Variants in CHRNB2 observed in about 807,000 individuals in gnomAD.
The protein encoded by CHRNB2 is cholinergic receptor nicotinic beta 2 subunit.
Under a neutral mutation model 42.7 loss-of-function variants are expected in CHRNB2, and 33 were observed. The observed-to-expected ratio is 0.77, with a 90% confidence interval of 0.59 to 1.03. The LOEUF (loss-of-function observed/expected upper bound fraction) is 1.03, where lower values mean the gene tolerates loss of function less well. Ranked by LOEUF, CHRNB2 falls within the 50% of genes least tolerant of loss-of-function variation. The pLI is 0.00. For missense variants in CHRNB2, 603 were observed against 700.9 expected (o/e 0.86, Z 1.58); for synonymous variants, 325 against 292.9 (o/e 1.11, Z -1.12).
rs1342568924 is a variant in CHRNB2 at position 154,577,583 on chromosome 1, C to G, written c.*1651C>G. The G allele has an allele frequency of 1.3e-5, 2 of 150,952 alleles. No homozygotes were observed. Among genetic ancestry groups the G allele is most frequent in the Non-Finnish European group, 3.0e-5 (2 of 67,658 alleles). 9.4% of individuals were successfully genotyped at this position (150,952 alleles called of 1,614,324 possible). ...CTTGTGAAAAAGTCTAGCGCTGTAC[C>G]TGGCACAGAGTAGATGCTTCATGAA... On this transcript the variant is annotated 3_prime_UTR_variant, in exon 6 of 6. Coordinates refer to ENST00000368476, the MANE Select transcript of CHRNB2 (RefSeq NM_000748.3).
At chr1:154,575,193 A>G (rs994242583) in intron 5 of CHRNB2, among the ~76,000 whole-genome samples, 42 of 152,336 alleles carry the variant, frequency 2.8e-4, no homozygotes, top group African/African-American at 9.9e-4. Context: ...GACAAAGATG[A>G]ATCAGGGTCC....
At chr1:154,568,728 A>C (rs1254515367) in intron 1 of CHRNB2, among the ~76,000 whole-genome samples, 1 of 151,908 alleles carries the variant, frequency 6.6e-6, no homozygotes, top group Non-Finnish European at 1.5e-5. Context: ...AGGGGGATGC[A>C]GTGTGCCGGG....
intron 5 of CHRNB2, among the ~76,000 whole-genome samples, 185 bp from the exon 6 acceptor site, chr1:154,575,577 G>C (rs1696255643): frequency 6.6e-6 from 1 of 152,086 alleles, no homozygotes; most frequent in Non-Finnish European, 1.5e-5. Context: ...AGTTTGGATG[G>C]GCCCTGAAGG....
At position 154,575,911 on chromosome 1, in the gene CHRNB2, C is replaced by G; in HGVS notation, c.1488C>G (p.His496Gln). ...CCACCACCTTCCTCCACTCAGACCACTCAGCCCCCAGCTCCAAGTGAGGCC... is the reference window on the plus strand; with the variant it reads ...CCACCACCTTCCTCCACTCAGACCAGTCAGCCCCCAGCTCCAAGTGAGGCC... ...YTTTTFLHSD[H>Q]SAPSSK The change falls in exon 6 of 6, where the codon CAC becomes CAG. Residue 496 changes from histidine to glutamine, a missense_variant. His to Gln is a conservative substitution (Grantham distance 24). This residue lies in a region of CHRNB2 where 270 missense variants were observed against 248.3 expected (regional missense o/e 1.09). Transcript: ENST00000368476. 6.2e-7 allele frequency: 1 copy of G among 1,614,240 alleles called. No homozygotes were observed.
chr1:154,578,183 A>C lies in CHRNB2; in HGVS notation c.*2251A>C, dbSNP rs958949292. On this transcript the variant is annotated 3_prime_UTR_variant, in exon 6 of 6. Transcript: ENST00000368476. ...CAACAGGAAAGGAGCCTCCCTCTGA[A>C]GGGTAGGATGCCGGCCTGAGGCCCT... is the stretch of plus-strand genomic sequence containing the variant. The C allele has an allele frequency of 1.3e-5, 2 of 152,292 alleles. No individual in the cohort carries two copies. Among genetic ancestry groups the C allele is most frequent in the Admixed American group, 1.3e-4 (2 of 15,278 alleles). 9.4% of individuals were successfully genotyped at this position (152,292 alleles called of 1,614,324 possible). A position where few individuals can be genotyped will look rare whatever the true frequency, so the allele number is the denominator to read the frequency against.
Position 154,575,738 on chromosome 1 carries a change from G to A in CHRNB2, c.1339-24G>A, listed in dbSNP as rs201578298. On this transcript the variant is annotated intron_variant, in intron 5 of 5. Coordinates refer to ENST00000368476, the MANE Select transcript of CHRNB2 (RefSeq NM_000748.3). ...TCCCATCCTGCATCATGTGACCTGG[G>A]CCTCCTCCGTCTCCTCCATCCAGGT... 5.7e-5 allele frequency: 92 copies of A among 1,613,834 alleles called. No homozygotes were observed. In the South Asian group the frequency reaches 8.9e-4, roughly 16 times the overall value.
Position 154,579,508 on chromosome 1 carries a change from G to A in CHRNB2, c.*3576G>A, listed in dbSNP as rs1467439571. ...CTTCTCTGAATCACTCCCCAAGCCA[G>A]AGTAGACCTGGTTCCAGTTGTCCCC... On this transcript the variant is annotated 3_prime_UTR_variant, in exon 6 of 6. Transcript: ENST00000368476. 1.3e-5 allele frequency: 2 copies of A among 152,366 alleles called. No homozygotes were observed. The highest frequency in any genetic ancestry group is 4.8e-5 in the African/African-American group (2 of 41,446). 9.4% of individuals were successfully genotyped at this position (152,366 alleles called of 1,614,324 possible).
intron 1 of CHRNB2, 54 bp downstream of exon 1, chr1:154,568,162 G>C: frequency 6.4e-7 from 1 of 1,550,846 alleles, no homozygotes; most frequent in Non-Finnish European, 8.7e-7. Flanking sequence ...AACGGCCCAA[G>C]ACTCGCCGCC....
chr1:154,578,080 AT>A lies in CHRNB2; in HGVS notation c.*2150del, dbSNP rs1050230876. 6.6e-5 allele frequency: 10 copies of A among 152,330 alleles called. No individual in the cohort carries two copies. Among genetic ancestry groups the A allele is most frequent in the African/African-American group, 2.4e-4 (10 of 41,548 alleles). 9.4% of individuals were successfully genotyped at this position (152,330 alleles called of 1,614,324 possible). A position where few individuals can be genotyped will look rare whatever the true frequency, so the allele number is the denominator to read the frequency against. ...GGAAACTTTCCCTCTTCTAGAGCGG[AT>A]TGGGAGTTGCCTGTATTATGCCTGA... On this transcript the variant is annotated 3_prime_UTR_variant, in exon 6 of 6. Coordinates refer to ENST00000368476, the MANE Select transcript of CHRNB2 (RefSeq NM_000748.3).
At chr1:154,572,354 G>A (rs1696192543) in intron 5 of CHRNB2, among the ~76,000 whole-genome samples, 193 bp downstream of exon 5, 1 of 152,156 alleles carries the variant, frequency 6.6e-6, no homozygotes, top group East Asian at 1.9e-4. Flanking sequence ...GAGATTGTGC[G>A]GCCTAAATTG....
chr1:154,569,681 T>C (rs1025331994), intron 2 of CHRNB2, 74 bp downstream of exon 2: 1 of 1,612,762 alleles, frequency 6.2e-7, no homozygotes, highest in Non-Finnish European at 8.5e-7. Flanking sequence ...GCTTGTGTGC[T>C]TCCTCCCCTG....
In CHRNB2 at chr1:154,570,452, T is replaced by C. The variant is rs982142385; in HGVS notation, c.365+85T>C. ...TGGGGAAAATAAGAGAAATTACTTA[T>C]GCTGTGGGAGGGGAGGGACTTATAA... On this transcript the variant is annotated intron_variant, in intron 4 of 5. Transcript: ENST00000368476. 6.0e-6 allele frequency: 5 copies of C among 826,670 alleles called. No homozygotes were observed. The East Asian group carries it at 7.9e-5, about 13-fold the overall frequency. The allele number at this position is 826,670 out of a possible 1,614,324, so 51.2% of individuals were successfully genotyped here. A position where few individuals can be genotyped will look rare whatever the true frequency, so the allele number is the denominator to read the frequency against.
chr1:154,568,909 G>A (rs892656135), intron 1 of CHRNB2, among the ~76,000 whole-genome samples: 120 of 152,116 alleles, frequency 7.9e-4, no homozygotes, highest in African/African-American at 2.7e-3. Flanking sequence ...GGAGAGGGGA[G>A]GATGGCATCG....
intron 5 of CHRNB2, among the ~76,000 whole-genome samples, chr1:154,575,058 A>C (rs1696244902): frequency 6.6e-6 from 1 of 152,120 alleles, no homozygotes; most frequent in South Asian, 2.1e-4. Context: ...CCCTCTGGGG[A>C]CGTAGTGTGG....
rs1696086951 is a variant in CHRNB2, at chr1:154,567,839, C to G, written c.-206C>G. ...GGAAGAGCAGCCGGAAAAGCCTCCG[C>G]CTGCTCATACCAGGATAGGCAAGAA... On this transcript the variant is annotated 5_prime_UTR_variant, in exon 1 of 6. Transcript: ENST00000368476. 1 of 458,418 alleles carries G rather than the reference C, an allele frequency of 2.2e-6. No individual in the cohort carries two copies. The allele number at this position is 458,418 out of a possible 1,614,324, so 28.4% of individuals were successfully genotyped here. A position where few individuals can be genotyped will look rare whatever the true frequency, so the allele number is the denominator to read the frequency against.
In CHRNB2 at chr1:154,569,493, G is replaced by A. The variant is rs1571020266; in HGVS notation, c.96G>A (p.Leu32=). 1.2e-6 allele frequency: 2 copies of A among 1,613,922 alleles called. No individual in the cohort carries two copies. Among genetic ancestry groups the A allele is most frequent in the Non-Finnish European group, 1.7e-6 (2 of 1,179,962 alleles). ...GGGGTACGGATACAGAGGAGCGGCT[G>A]GTGGAGCATCTCCTGGATCCTTCCC... ...GVWGTDTEER[L]VEHLLDPSRY... The change falls in exon 2 of 6, where the codon CTG becomes CTA. Residue 32 remains leucine, a synonymous_variant. Coordinates refer to ENST00000368476, the MANE Select transcript of CHRNB2 (RefSeq NM_000748.3).
At position 154,567,845 on chromosome 1, in the gene CHRNB2, C is replaced by T. The variant is rs201787326; in HGVS notation, c.-200C>T. 10 of 465,828 alleles carry T rather than the reference C, an allele frequency of 2.1e-5. No individual in the cohort carries two copies. Among genetic ancestry groups the T allele is most frequent in the African/African-American group, 4.1e-5 (2 of 48,344 alleles). 28.9% of individuals were successfully genotyped at this position (465,828 alleles called of 1,614,324 possible). A position where few individuals can be genotyped will look rare whatever the true frequency, so the allele number is the denominator to read the frequency against. Reference sequence around the variant, plus strand: ...GCAGCCGGAAAAGCCTCCGCCTGCTCATACCAGGATAGGCAAGAAGCTGGT... The same window carrying T: ...GCAGCCGGAAAAGCCTCCGCCTGCTTATACCAGGATAGGCAAGAAGCTGGT... On this transcript the variant is annotated 5_prime_UTR_variant, in exon 1 of 6. Transcript: ENST00000368476.
rs200855905 is a variant in CHRNB2, at chr1:154,575,838, T to C, written c.1415T>C (p.Phe472Ser). 1.2e-5 allele frequency: 19 copies of C among 1,614,050 alleles called. No homozygotes were observed. Among genetic ancestry groups the C allele is most frequent in the Non-Finnish European group, 1.5e-5 (18 of 1,180,032 alleles). ...TGGATCTTTGTCTTTGTCTGTGTCT[T>C]TGGCACCATCGGCATGTTCCTGCAG... ...FLWIFVFVCV[F>S]GTIGMFLQPL... is the part of the protein sequence containing the mutation. Residue 472 changes from phenylalanine to serine, a missense_variant, in exon 6 of 6, where the codon TTT becomes TCT. This residue lies in a region of CHRNB2 where 270 missense variants were observed against 248.3 expected (regional missense o/e 1.09). Transcript: ENST00000368476.
Position 154,572,057 on chromosome 1 carries a change from G to A in CHRNB2, c.1234G>A (p.Gly412Ser), listed in dbSNP as rs774449832. ...AFGAEPAPVA[G>S]PGRSGEPCGC... ...CGGGGCTGAGCCTGCACCAGTGGCG[G>A]GCCCCGGGCGCTCAGGGGAGCCGTG... The change falls in exon 5 of 6, where the codon GGC becomes AGC. Residue 412 changes from glycine to serine, a missense_variant. Around this residue, in one of 2 missense-constraint regions of CHRNB2, gnomAD observed 270 missense variants for 248.3 expected, o/e 1.09. Transcript: ENST00000368476. 2.0e-5 allele frequency: 31 copies of A among 1,534,568 alleles called. No individual in the cohort carries two copies. The African/African-American group carries it at 3.1e-4, about 16-fold the overall frequency.
Sources: allele counts gnomAD v4.1 joint callset (sites outside exome capture counted in the v4.1 genomes callset), GRCh38; gene constraint gnomAD v4.1.1; regional missense constraint gnomAD v4.1.1; transcripts MANE v1.5; gene names NCBI Gene and HGNC (gene_info 2026-07-23, HGNC 2026-07-21).